AZIN2: variants seen among roughly 807,000 people sequenced by gnomAD.
AZIN2 encodes the protein antizyme inhibitor 2.
In AZIN2, 28 loss-of-function variants were observed where a neutral mutation model predicts 47.8. The ratio of observed to expected loss-of-function variants is 0.59; its 90% CI spans 0.43 to 0.80. The LOEUF is 0.80. AZIN2 is among the 30% of genes least tolerant of loss of function. The probability of loss-of-function intolerance (pLI) is 0.00; values close to 1 mark genes in which losing one functional copy is unlikely to be tolerated. For synonymous variants in AZIN2, 221 were observed against 239.4 expected (o/e 0.92, Z 0.71); for missense variants, 535 against 582.5 (o/e 0.92, Z 0.84).
At chr1:33,165,871 C>G in the AZIN2 span, 1 of 236,112 alleles carries the variant, frequency 4.2e-6, no homozygotes, top group East Asian at 8.4e-5. The surrounding 1 kb of genome is among the most constrained non-coding windows in gnomAD (Gnocchi z 4.0). Flanking sequence ...GGCCCTGGAT[C>G]CCCGCTTAGA....
In AZIN2 at chr1:33,092,050, G is replaced by A. The variant is rs1642609817; in HGVS notation, c.280G>A (p.Ala94Thr). ...LGLGFSCANKAEMELVQHIGI... is the reference protein window; with the variant it reads ...LGLGFSCANKTEMELVQHIGI... ...TACAACCACCTTTGGGGCCCCATAG[G>A]CAGAGATGGAGTTGGTCCAGCATAT... The change falls in exon 6 of 12, where the codon GCA (alanine) becomes ACA (threonine). Residue 94 changes from alanine (A) to threonine (T), a missense_variant and splice_region_variant. By Grantham distance (58) the Ala-to-Thr change is moderately conservative. Coordinates refer to ENST00000294517, the MANE Select transcript of AZIN2 (RefSeq NM_052998.4). 1 of 1,613,176 alleles carries A rather than the reference G, an allele frequency of 6.2e-7. No individual in the cohort carries two copies.
At chr1:33,152,917 ATGGGCTGCCT>A in the AZIN2 span, among the ~76,000 whole-genome samples, 1 of 152,046 alleles carries the variant, frequency 6.6e-6, no homozygotes, top group Admixed American at 6.6e-5. Flanking sequence ...CCTTGGGACA[ATGGGCTGCCT>A]GGCCTGGCTG....
intron 7 of AZIN2, among the ~76,000 whole-genome samples, chr1:33,093,962 G>C (rs1283553738): frequency 1.3e-5 from 2 of 151,658 alleles, no homozygotes. Flanking sequence ...CAAAGTCTTG[G>C]GCTCAAGCAA....
intron 9 of AZIN2, among the ~76,000 whole-genome samples, chr1:33,097,282 A>G (rs1301586206): frequency 6.6e-6 from 1 of 152,226 alleles, no homozygotes; most frequent in Non-Finnish European, 1.5e-5. Context: ...GAAAATAATT[A>G]ATGACAGCTT....
At chr1:33,099,604 A>G (rs967869199) in intron 10 of AZIN2, among the ~76,000 whole-genome samples, 4 of 151,854 alleles carry the variant, frequency 2.6e-5, no homozygotes, top group Non-Finnish European at 5.9e-5. Context: ...AGAAGAGGAG[A>G]TGATGGTCCC....
chr1:33,162,516 C>T, the AZIN2 span, among the ~76,000 whole-genome samples: 1 of 152,240 alleles, frequency 6.6e-6, no homozygotes, highest in Non-Finnish European at 1.5e-5. Context: ...TCTCCCTCGG[C>T]TCTGCACCCC....
chr1:33,158,146 A>G, the AZIN2 span: 1 of 977,420 alleles, frequency 1.0e-6, no homozygotes, highest in African/African-American at 1.6e-5. Flanking sequence ...TCAGCAAGGC[A>G]CTCTGCTCAT....
At position 33,120,979 on chromosome 1, in the gene AZIN2, G is replaced by A. The variant is rs1371366510; in HGVS notation, c.*797G>A. Among the ~76,000 whole-genome samples, 1 of 152,222 alleles carries A rather than the reference G, an allele frequency of 6.6e-6. No individual in the cohort carries two copies. The highest frequency in any genetic ancestry group is 1.5e-5 in the Non-Finnish European group (1 of 68,036). ...AGTCAGAGTAAAGCAGACACCTGGT[G>A]GTCGCTTTTGCTTCTTTGGGCAGTG... On this transcript the variant is annotated 3_prime_UTR_variant, in exon 12 of 12. Coordinates refer to ENST00000294517, the MANE Select transcript of AZIN2 (RefSeq NM_052998.4).
At chr1:33,131,082 A>G in the AZIN2 span, among the ~76,000 whole-genome samples, 1 of 152,348 alleles carries the variant, frequency 6.6e-6, no homozygotes, top group East Asian at 1.9e-4. Flanking sequence ...AGATCAACAA[A>G]GCAGACTCAA....
Position 33,082,135 on chromosome 1 carries a change from G to A in AZIN2, c.-72-43G>A, listed in dbSNP as rs532507071. 186 of 860,722 alleles carry A rather than the reference G, an allele frequency of 2.2e-4. No individual in the cohort carries two copies. The African/African-American group carries it at 2.8e-3, about 13-fold the overall frequency. 53.3% of individuals were successfully genotyped at this position (860,722 alleles called of 1,614,324 possible). On this transcript the variant is annotated intron_variant, in intron 3 of 11. Coordinates refer to ENST00000294517, the MANE Select transcript of AZIN2 (RefSeq NM_052998.4). ...CTCGGGAGGCGAGTGGGGCAGCAGA[G>A]CCGGCCCCCCAGCGGTTCCCTTCAT...
the AZIN2 span, among the ~76,000 whole-genome samples, chr1:33,144,199 C>T: frequency 1.3e-5 from 2 of 150,828 alleles, no homozygotes; most frequent in Admixed American, 6.6e-5. Context: ...TGCAATGGCG[C>T]GATCTCCAGC....
chr1:33,154,798 CAA>C, the AZIN2 span, among the ~76,000 whole-genome samples: 3 of 102,794 alleles, frequency 2.9e-5, no homozygotes. Flanking sequence ...ACTCCGTATC[CAA>C]AAAAAAAAAG....
chr1:33,109,046 G>A (rs1430462246), intron 10 of AZIN2, among the ~76,000 whole-genome samples: 1 of 152,194 alleles, frequency 6.6e-6, no homozygotes, highest in Non-Finnish European at 1.5e-5. Context: ...TGTTACCAGT[G>A]TTCTGAATTT....
the AZIN2 span, chr1:33,159,853 T>C: frequency 4.3e-6 from 7 of 1,613,410 alleles, no homozygotes; most frequent in Non-Finnish European, 5.9e-6. This position sits in a 1 kb window ranked among gnomAD's most constrained non-coding sequence, Gnocchi z 4.2. Context: ...CGCCTCCAGC[T>C]CCTCTAGCAT....
chr1:33,166,283 A>C, the AZIN2 span: 1 of 152,238 alleles, frequency 6.6e-6, no homozygotes, highest in African/African-American at 2.4e-5. Context: ...ATAGAAATAA[A>C]GTGCACAATA....
the AZIN2 span, among the ~76,000 whole-genome samples, chr1:33,139,902 T>G: frequency 6.6e-6 from 1 of 152,296 alleles, no homozygotes; most frequent in Admixed American, 6.5e-5. Context: ...TTTCCTCTGC[T>G]GCTTGTCAGG....
At chr1:33,160,136 A>G in the AZIN2 span, among the ~76,000 whole-genome samples, 1 of 152,192 alleles carries the variant, frequency 6.6e-6, no homozygotes, top group Non-Finnish European at 1.5e-5. Context: ...TCCATTAAAT[A>G]GCTAATGAAA....
At chr1:33,157,599 C>T in the AZIN2 span, among the ~76,000 whole-genome samples, 1 of 152,044 alleles carries the variant, frequency 6.6e-6, no homozygotes, top group Non-Finnish European at 1.5e-5. Context: ...GGGATTTTTG[C>T]CTGTTTTGCT....
chr1:33,101,268 GC>G (rs1389254210), intron 10 of AZIN2, among the ~76,000 whole-genome samples: 10 of 151,850 alleles, frequency 6.6e-5, no homozygotes, highest in African/African-American at 2.2e-4. Context: ...AGAACTCCCA[GC>G]CCCAAGCGAT....
Sources: gnomAD v4.1 joint callset for allele counts (sites outside exome capture counted in the v4.1 genomes callset) on GRCh38, gnomAD v4.1.1 for gene constraint, Gnocchi (gnomAD v3.1) non-coding constraint, MANE v1.5 for transcripts, NCBI Gene and HGNC (gene_info 2026-07-23, HGNC 2026-07-21) for gene names.